The following SLC35D1 variants were observed in gnomAD, a reference collection of about 807,000 sequenced individuals.
SLC35D1 encodes the protein nucleotide sugar transporter SLC35D1.
A neutral mutation model predicts 46.7 loss-of-function variants in SLC35D1; 31 were observed. That is an observed-to-expected ratio of 0.66 (90% CI 0.50 to 0.90). The LOEUF (loss-of-function observed/expected upper bound fraction) is 0.90. Ranked by LOEUF, SLC35D1 falls within the 40% of genes least tolerant of loss-of-function variation. The pLI, the probability that SLC35D1 is intolerant of heterozygous loss-of-function variation, is 0.00. For missense variants in SLC35D1, 397 were observed against 426.2 expected, an observed-to-expected ratio of 0.93 and a Z score of 0.60; for synonymous variants, 195 against 164.6, an observed-to-expected ratio of 1.18 and a Z score of -1.41.
intron 10 of SLC35D1, among the ~76,000 whole-genome samples, chr1:67,016,260 T>A (rs1340363945): frequency 6.6e-5 from 10 of 152,284 alleles, no homozygotes; most frequent in African/African-American, 2.4e-4. Flanking sequence ...CCTTGTCAAT[T>A]GTTAACTATT....
intron 8 of SLC35D1, among the ~76,000 whole-genome samples, chr1:67,025,254 T>G (rs1667893771): frequency 6.6e-6 from 1 of 152,212 alleles, no homozygotes; most frequent in African/African-American, 2.4e-5. Flanking sequence ...GATTAATGTT[T>G]GTATATTCCA....
At chr1:67,039,228 T>G (rs1187687613) in intron 8 of SLC35D1, among the ~76,000 whole-genome samples, 2 of 152,240 alleles carry the variant, frequency 1.3e-5, no homozygotes, top group Admixed American at 6.5e-5. Context: ...AAAAACTGAC[T>G]TGCCATGTCC....
At chr1:66,981,909 A>G in the SLC35D1 span, 1 of 1,613,748 alleles carries the variant, frequency 6.2e-7, no homozygotes, top group East Asian at 2.2e-5. Context: ...AAGCACTGCT[A>G]ATCAAAATGG....
chr1:67,020,292 A>T, intron 10 of SLC35D1, 77 bp downstream of exon 10: 1 of 943,118 alleles, frequency 1.1e-6, no homozygotes, highest in Non-Finnish European at 1.7e-6. Flanking sequence ...TCTTAAGGCC[A>T]TCAACAGACT....
chr1:67,050,468 G>T lies in SLC35D1; in HGVS notation c.429C>A (p.Ile143=). ...CTCCTTCAGCAAACATTGTAAACAG[G>T]ATGGAGAACCTTCTCAGAACTGTAA... is the stretch of plus-strand genomic sequence containing the variant. ...PMFTVLRRFS[I]LFTMFAEGVL... The change falls in exon 5 of 12, where the codon ATC becomes ATA. Residue 143 remains isoleucine (I), a synonymous_variant. Transcript: ENST00000235345. The T allele has an allele frequency of 6.2e-7, 1 of 1,613,118 alleles. No homozygotes were observed. Among genetic ancestry groups the T allele is most frequent in the Non-Finnish European group, 8.5e-7 (1 of 1,179,552 alleles).
At chr1:66,980,283 T>C in the SLC35D1 span, among the ~76,000 whole-genome samples, 4 of 152,222 alleles carry the variant, frequency 2.6e-5, no homozygotes, top group Admixed American at 1.3e-4. Context: ...TCTAATTTAA[T>C]TCTATATAGA....
chr1:67,000,170 A>T lies in SLC35D1; in HGVS notation c.*4170T>A, dbSNP rs1023663383. ...ATGGCACATGCCTATAGTCGTAGCT[A>T]CTTAGCAGGCTAAGGCAGGAGGATC... On this transcript the variant is annotated 3_prime_UTR_variant, in exon 12 of 12. Transcript: ENST00000235345. 4.0e-5 allele frequency: 6 copies of T among 151,620 alleles called. No individual in the cohort carries two copies. The highest frequency in any genetic ancestry group is 6.6e-5 in the Admixed American group (1 of 15,216). 9.4% of individuals were successfully genotyped at this position (151,620 alleles called of 1,614,324 possible).
At chr1:66,995,207 G>A (rs571860792), downstream of SLC35D1, among the ~76,000 whole-genome samples, 3 of 151,952 alleles carry the variant, frequency 2.0e-5, no homozygotes, top group Non-Finnish European at 4.4e-5. Context: ...ACTTAGTCAC[G>A]CTGGTAGCCA....
At chr1:67,016,368 G>A (rs11208988) in intron 10 of SLC35D1, among the ~76,000 whole-genome samples, 28,994 of 151,658 alleles carry the variant, frequency 0.19, 5,080 homozygotes, top group African/African-American at 0.47. Flanking sequence ...CTTCTTCTTC[G>A]GAGAAATTAA....
At chr1:66,983,767 G>A in the SLC35D1 span, among the ~76,000 whole-genome samples, 17 of 152,138 alleles carry the variant, frequency 1.1e-4, no homozygotes, top group South Asian at 8.3e-4. Context: ...TCGCTTTGTC[G>A]CCCAGGCTGG....
the SLC35D1 span, among the ~76,000 whole-genome samples, chr1:66,992,960 C>T: frequency 6.6e-6 from 1 of 152,212 alleles, no homozygotes; most frequent in East Asian, 1.9e-4. Context: ...CCCCAATTTA[C>T]AAATAAAACT....
chr1:67,038,293 A>T (rs2102334052), intron 8 of SLC35D1, among the ~76,000 whole-genome samples: 1 of 152,294 alleles, frequency 6.6e-6, no homozygotes, highest in South Asian at 2.1e-4. Flanking sequence ...AAATTTCTTC[A>T]TTATTTAGTC....
the SLC35D1 span, chr1:66,984,741 G>A: frequency 6.2e-7 from 1 of 1,613,904 alleles, no homozygotes; most frequent in Non-Finnish European, 8.5e-7. Context: ...TTGCCCATAT[G>A]ACTGCAAGAA....
intron 8 of SLC35D1, among the ~76,000 whole-genome samples, chr1:67,038,336 AC>A (rs1344680293): frequency 1.3e-5 from 2 of 152,196 alleles, no homozygotes; most frequent in African/African-American, 4.8e-5. Context: ...TTCCAGGCAG[AC>A]AATTTGTGCA....
intron 7 of SLC35D1, 40 bp from the exon 8 acceptor site, chr1:67,042,368 T>C (rs1221804615): frequency 6.5e-7 from 1 of 1,548,050 alleles, no homozygotes; most frequent in Non-Finnish European, 8.9e-7. Flanking sequence ...CTGCGTTTTG[T>C]TCTAGCAGAT....
At chr1:66,975,978 C>T in the SLC35D1 span, among the ~76,000 whole-genome samples, 1 of 146,382 alleles carries the variant, frequency 6.8e-6, no homozygotes, top group Non-Finnish European at 1.5e-5. Flanking sequence ...ATGCCACTTC[C>T]AGGCCTTTTT....
At chr1:67,036,329 C>T (rs1487250882) in intron 8 of SLC35D1, among the ~76,000 whole-genome samples, 1 of 152,034 alleles carries the variant, frequency 6.6e-6, no homozygotes, top group Non-Finnish European at 1.5e-5. Flanking sequence ...CTCTTTAGCA[C>T]TAGTAGTATT....
At chr1:67,008,569 T>A in intron 11 of SLC35D1, 1 of 731,192 alleles carries the variant, frequency 1.4e-6, no homozygotes. Context: ...CTACTAAATC[T>A]ACTTTATCTG....
chr1:67,052,708 TAA>T, intron 3 of SLC35D1, 61 bp downstream of exon 3: 1 of 1,560,656 alleles, frequency 6.4e-7, no homozygotes, highest in Non-Finnish European at 8.8e-7. Flanking sequence ...AAGGCACTGA[TAA>T]AATATGTTAA....
Sources: allele counts gnomAD v4.1 joint callset (sites outside exome capture counted in the v4.1 genomes callset), GRCh38; gene constraint gnomAD v4.1.1; transcripts MANE v1.5; gene names NCBI Gene and HGNC (gene_info 2026-07-23, HGNC 2026-07-21).